HEATR5B: variants seen among roughly 807,000 people sequenced by gnomAD.
The protein encoded by HEATR5B is HEAT repeat-containing protein 5B.
Under a neutral mutation model 224.1 loss-of-function variants are expected in HEATR5B, and 156 were observed. The observed-to-expected ratio is 0.70, with a 90% CI of 0.61 to 0.80. The LOEUF is 0.80. Ranked by LOEUF, HEATR5B falls within the 30% of genes least tolerant of loss-of-function variation. The pLI, the probability that HEATR5B is intolerant of heterozygous loss-of-function variation, is 0.00. For missense variants in HEATR5B, 2,323 were observed against 2,535.5 expected (o/e 0.92, Z 1.80); for synonymous variants, 1,027 against 893.0 (o/e 1.15, Z -2.68).
chr2:37,082,790 G>T (rs184208462), intron 2 of HEATR5B, among the ~76,000 whole-genome samples: 1 of 152,174 alleles, frequency 6.6e-6, no homozygotes, highest in African/African-American at 2.4e-5. Context: ...TGAAGCCTGT[G>T]AGACCCCTGA....
chr2:37,027,550 C>T (rs1043906630), intron 24 of HEATR5B, among the ~76,000 whole-genome samples: 10 of 152,148 alleles, frequency 6.6e-5, no homozygotes, highest in African/African-American at 2.2e-4. Context: ...TGGCTGGGGA[C>T]GGCAAAGCTC....
intron 33 of HEATR5B, 37 bp downstream of exon 33, chr2:37,000,549 T>TA (rs1667021114): frequency 2.0e-6 from 3 of 1,521,584 alleles, no homozygotes; most frequent in Non-Finnish European, 2.7e-6. Context: ...GGAACACATA[T>TA]CCTAACTAAC....
At chr2:37,044,493 T>C (rs1189444775) in intron 18 of HEATR5B, among the ~76,000 whole-genome samples, 3 of 152,230 alleles carry the variant, frequency 2.0e-5, no homozygotes, top group South Asian at 4.1e-4. Context: ...AATACATCAC[T>C]ATTTATCTAT....
chr2:37,044,313 C>A (rs1670053998), intron 18 of HEATR5B, among the ~76,000 whole-genome samples: 1 of 152,178 alleles, frequency 6.6e-6, no homozygotes, highest in Non-Finnish European at 1.5e-5. Flanking sequence ...ACTGAGCTGT[C>A]TTCTATCATT....
At chr2:37,038,917 G>T (rs2372916) in intron 20 of HEATR5B, among the ~76,000 whole-genome samples, 1 of 141,740 alleles carries the variant, frequency 7.1e-6, no homozygotes, top group African/African-American at 2.7e-5. Context: ...TGGGGGGGGT[G>T]GGGAATCACA....
At position 37,002,454 on chromosome 2, in the gene HEATR5B, T is replaced by G. The variant is rs765098043; in HGVS notation, c.5169A>C (p.Leu1723Phe). 6.2e-7 allele frequency: 1 copy of G among 1,614,222 alleles called. No homozygotes were observed. Among genetic ancestry groups the G allele is most frequent in the Non-Finnish European group, 8.5e-7 (1 of 1,180,040 alleles). Residue 1723 changes from leucine to phenylalanine, a missense_variant, in exon 32 of 36, where the codon TTA becomes TTC. Around this residue, in one of 12 missense-constraint regions of HEATR5B, gnomAD observed 844 missense variants for 812.9 expected, o/e 1.04. Coordinates refer to ENST00000233099, the MANE Select transcript of HEATR5B (RefSeq NM_019024.3). ...TACTGAGATGTGGCATATGCCGTAC[T>G]AAAATGAACATCAGCAGCTCCATAG... The part of the protein sequence containing the change: ...FATMELLMFI[L>F]VRHMPHLSTK...
intron 8 of HEATR5B, 136 bp downstream of exon 8, chr2:37,068,545 T>TA (rs1671718811): frequency 2.3e-6 from 2 of 877,732 alleles, no homozygotes; most frequent in African/African-American, 3.4e-5. Context: ...TAATATCAAA[T>TA]AAGAGTACTC....
At position 37,053,602 on chromosome 2, in the gene HEATR5B, T is replaced by C. The variant is rs1320056309; in HGVS notation, c.2405A>G (p.Gln802Arg). The change falls in exon 17 of 36, where the codon CAA becomes CGA. Residue 802 changes from glutamine (Q) to arginine (R), a missense_variant. Physicochemically the swap from Gln to Arg is conservative, Grantham distance 43 (BLOSUM62 1). Coordinates refer to ENST00000233099, the MANE Select transcript of HEATR5B (RefSeq NM_019024.3). Reference sequence around the variant, plus strand: ...ACATTCAGCAAAGTGATCCAACATTTGTAATCTATAACAATAAGAAAAAAA... The same window carrying C: ...ACATTCAGCAAAGTGATCCAACATTCGTAATCTATAACAATAAGAAAAAAA... Reference protein sequence around the residue: ...FPHVSYKHRLQMLDHFAECVK... With the variant: ...FPHVSYKHRLRMLDHFAECVK... The C allele has an allele frequency of 6.3e-7, 1 of 1,593,678 alleles. No homozygotes were observed. The highest frequency in any genetic ancestry group is 1.3e-5 in the African/African-American group (1 of 74,558).
chr2:37,046,014 T>C (rs1159702328), intron 18 of HEATR5B, among the ~76,000 whole-genome samples: 4 of 152,256 alleles, frequency 2.6e-5, no homozygotes, highest in Non-Finnish European at 5.9e-5. Context: ...TTAATGTTTA[T>C]CTGAAAGAAT....
intron 18 of HEATR5B, among the ~76,000 whole-genome samples, chr2:37,043,725 T>C (rs1670016459): frequency 6.6e-6 from 1 of 152,260 alleles, no homozygotes; most frequent in South Asian, 2.1e-4. Flanking sequence ...ACTAAATGGC[T>C]GGCATCATCA....
chr2:37,070,866 ATGCAATCCTCACAAAAATTC>A (rs1671862833), intron 6 of HEATR5B, among the ~76,000 whole-genome samples: 1 of 152,354 alleles, frequency 6.6e-6, no homozygotes, highest in East Asian at 1.9e-4. Flanking sequence ...ATAGTAGCAA[ATGCAATCCTCACAAAAATTC>A]TGCAGAGGAG....
At chr2:37,056,357 G>T in intron 16 of HEATR5B, 83 bp downstream of exon 16, 1 of 899,770 alleles carries the variant, frequency 1.1e-6, no homozygotes, top group Non-Finnish European at 1.6e-6. Context: ...CTTTATTGCA[G>T]AGTTAACTGG....
Position 37,070,333 on chromosome 2 carries a change from G to T in HEATR5B, c.824C>A (p.Ala275Asp). The T allele has an allele frequency of 6.2e-7, 1 of 1,613,722 alleles. No individual in the cohort carries two copies. Among genetic ancestry groups the T allele is most frequent in the Middle Eastern group, 1.7e-4 (1 of 6,060 alleles). ...ATFDEVLELM[A>D]TGFLRGGSGF... ...TGACCCTCCACGCAGAAATCCTGTG[G>T]CCATGAGTTCTAAGACTTCATCAAA... Residue 275 changes from alanine (A) to aspartate (D), a missense_variant, in exon 7 of 36, where the codon GCC becomes GAC. Coordinates refer to ENST00000233099, the MANE Select transcript of HEATR5B (RefSeq NM_019024.3).
At chr2:37,078,400 T>C (rs1672361934) in intron 3 of HEATR5B, among the ~76,000 whole-genome samples, 2 of 152,180 alleles carry the variant, frequency 1.3e-5, no homozygotes, top group African/African-American at 2.4e-5. Context: ...GACCCATGGA[T>C]CCACTGGAAA....
At chr2:37,008,477 GACA>G (rs1667570385) in intron 28 of HEATR5B, 131 bp downstream of exon 28, 4 of 676,408 alleles carry the variant, frequency 5.9e-6, no homozygotes, top group Non-Finnish European at 1.0e-5. Flanking sequence ...TTCTAACTGA[GACA>G]ACATCAAACT....
At chr2:37,008,314 A>G (rs1450060558) in intron 28 of HEATR5B, 2 of 430,114 alleles carry the variant, frequency 4.6e-6, no homozygotes, top group East Asian at 4.8e-5. Context: ...AGCAATATAC[A>G]TCTATGGTTA....
chr2:37,032,189 C>T (rs985150833), intron 22 of HEATR5B, among the ~76,000 whole-genome samples: 3 of 152,182 alleles, frequency 2.0e-5, no homozygotes, highest in African/African-American at 4.8e-5. Context: ...ATACTAAATA[C>T]TTTTCAGTTT....
chr2:36,995,758 T>C (rs932080572), intron 33 of HEATR5B, among the ~76,000 whole-genome samples: 5 of 152,246 alleles, frequency 3.3e-5, no homozygotes, highest in South Asian at 2.1e-4. Flanking sequence ...CAAATGAATA[T>C]ACTATCATGT....
chr2:37,069,536 A>C (rs557661928), intron 7 of HEATR5B, among the ~76,000 whole-genome samples: 1 of 152,268 alleles, frequency 6.6e-6, no homozygotes, highest in Non-Finnish European at 1.5e-5. Flanking sequence ...AGAAAATCCA[A>C]TCAAAGCATT....
Sources: gnomAD v4.1 joint callset for allele counts (sites outside exome capture counted in the v4.1 genomes callset) on GRCh38, gnomAD v4.1.1 for gene constraint, gnomAD v4.1.1 regional missense constraint, MANE v1.5 for transcripts, NCBI Gene and HGNC (gene_info 2026-07-23, HGNC 2026-07-21) for gene names.